Variants in NKAIN3 observed in about 807,000 individuals in gnomAD.
The protein encoded by NKAIN3 is sodium/potassium transporting ATPase interacting 3, also known as sodium/potassium-transporting ATPase subunit beta-1-interacting protein 3.
A neutral mutation model predicts 30.2 loss-of-function variants in NKAIN3; 25 were observed. The observed-to-expected ratio is 0.83, with a 90% CI of 0.60 to 1.16. NKAIN3 has a LOEUF of 1.16. Among genes scored for constraint, NKAIN3 ranks in the 50% most tolerant of loss-of-function variants. NKAIN3 has a pLI of 0.00. For missense variants in NKAIN3, 225 were observed against 254.1 expected, an observed-to-expected ratio of 0.89 and a Z score of 0.78; for synonymous variants, 91 against 89.6, an observed-to-expected ratio of 1.02 and a Z score of -0.09.
intron 1 of NKAIN3, among the ~76,000 whole-genome samples, chr8:62,382,539 A>G (rs1388574653): frequency 6.6e-6 from 1 of 152,172 alleles, no homozygotes; most frequent in Non-Finnish European, 1.5e-5. Flanking sequence ...TATTATACCA[A>G]CATTTCTTCC....
At chr8:62,320,196 T>A (rs1814823575) in intron 1 of NKAIN3, among the ~76,000 whole-genome samples, 2 of 152,186 alleles carry the variant, frequency 1.3e-5, no homozygotes, top group Admixed American at 6.5e-5. Context: ...TAGATCTTCC[T>A]CCATCCCTTT....
At chr8:62,891,606 G>T in intron 4 of NKAIN3, among the ~76,000 whole-genome samples, 1 of 152,080 alleles carries the variant, frequency 6.6e-6, no homozygotes, top group East Asian at 1.9e-4. Context: ...CTGCGTGGTG[G>T]AAAAATCGAG....
intron 5 of NKAIN3, among the ~76,000 whole-genome samples, chr8:62,933,202 G>C (rs546203868): frequency 1.3e-5 from 2 of 152,162 alleles, no homozygotes; most frequent in African/African-American, 4.8e-5. Context: ...TTATAAAAGA[G>C]ATCTCAGTGA....
At chr8:62,328,508 T>A (rs2129589862) in intron 1 of NKAIN3, among the ~76,000 whole-genome samples, 2 of 152,192 alleles carry the variant, frequency 1.3e-5, no homozygotes, top group Middle Eastern at 6.8e-3. Flanking sequence ...GATGTTGATA[T>A]TATCTCATAG....
chr8:62,342,132 C>A (rs1815765269), intron 1 of NKAIN3, among the ~76,000 whole-genome samples: 1 of 150,156 alleles, frequency 6.7e-6, no homozygotes, highest in African/African-American at 2.5e-5. Flanking sequence ...AAAAATGTTT[C>A]CAATATTTGT....
chr8:62,727,300 C>T (rs1284968200), intron 3 of NKAIN3, among the ~76,000 whole-genome samples: 5 of 152,056 alleles, frequency 3.3e-5, no homozygotes, highest in East Asian at 1.9e-4. Context: ...AAGGCAAGAA[C>T]GTCCCAGCTC....
At chr8:62,730,868 C>T (rs1332133683) in intron 3 of NKAIN3, among the ~76,000 whole-genome samples, 1 of 152,008 alleles carries the variant, frequency 6.6e-6, no homozygotes, top group Non-Finnish European at 1.5e-5. Flanking sequence ...TTGAGATTTT[C>T]TGCGTTTATT....
At chr8:62,931,520 A>G (rs925623961) in intron 5 of NKAIN3, among the ~76,000 whole-genome samples, 1 of 152,206 alleles carries the variant, frequency 6.6e-6, no homozygotes, top group Non-Finnish European at 1.5e-5. Context: ...AGTTAATTTC[A>G]TGTGTTAGAA....
chr8:62,550,206 T>G (rs1296819846), intron 1 of NKAIN3, among the ~76,000 whole-genome samples: 1 of 152,188 alleles, frequency 6.6e-6, no homozygotes, highest in Non-Finnish European at 1.5e-5. Context: ...GTGTTTACCT[T>G]TTTATTTTCA....
At chr8:62,541,818 T>C (rs886772834) in intron 1 of NKAIN3, among the ~76,000 whole-genome samples, 1 of 152,200 alleles carries the variant, frequency 6.6e-6, no homozygotes. Context: ...AATGACACAT[T>C]TGAAGTTGTT....
At chr8:62,690,268 A>C (rs2130440601) in intron 3 of NKAIN3, among the ~76,000 whole-genome samples, 1 of 152,186 alleles carries the variant, frequency 6.6e-6, no homozygotes, top group East Asian at 1.9e-4. Context: ...GCCATGCACC[A>C]ATTACAGGGC....
intron 3 of NKAIN3, among the ~76,000 whole-genome samples, chr8:62,700,755 G>T (rs1047159354): frequency 6.6e-6 from 1 of 152,176 alleles, no homozygotes; most frequent in Non-Finnish European, 1.5e-5. Context: ...TAACTGTTTT[G>T]TGTTGTCTAG....
At chr8:62,345,260 C>T (rs903415250) in intron 1 of NKAIN3, among the ~76,000 whole-genome samples, 12 of 139,390 alleles carry the variant, frequency 8.6e-5, no homozygotes, top group African/African-American at 3.4e-4. Context: ...TATATATATA[C>T]ACACACACAC....
chr8:62,756,731 C>T (rs1816463272), intron 4 of NKAIN3, among the ~76,000 whole-genome samples: 1 of 152,126 alleles, frequency 6.6e-6, no homozygotes, highest in Non-Finnish European at 1.5e-5. Context: ...CAATTTAAAG[C>T]ATGTGAACAT....
At chr8:62,641,806 T>C (rs1242156635) in intron 3 of NKAIN3, among the ~76,000 whole-genome samples, 3 of 152,312 alleles carry the variant, frequency 2.0e-5, no homozygotes, top group Admixed American at 2.0e-4. Flanking sequence ...TATAGCTTTT[T>C]TTCTGTGCTA....
At chr8:62,262,961 C>G (rs756957879) in intron 1 of NKAIN3, among the ~76,000 whole-genome samples, 2 of 151,998 alleles carry the variant, frequency 1.3e-5, no homozygotes, top group African/African-American at 2.4e-5. Context: ...GTTTTTCTTT[C>G]AACACAACAC....
At chr8:62,528,644 C>T (rs1231417154) in intron 1 of NKAIN3, among the ~76,000 whole-genome samples, 2 of 151,862 alleles carry the variant, frequency 1.3e-5, no homozygotes, top group Non-Finnish European at 2.9e-5. Context: ...AAGCAGTGTT[C>T]AGAGGTGAAA....
chr8:62,779,910 C>T (rs1817304753), intron 4 of NKAIN3, among the ~76,000 whole-genome samples: 1 of 151,784 alleles, frequency 6.6e-6, no homozygotes, highest in South Asian at 2.1e-4. Flanking sequence ...AAAAAAAGAA[C>T]AAACAAAACC....
chr8:62,370,804 T>C (rs1816884263), intron 1 of NKAIN3, among the ~76,000 whole-genome samples: 1 of 152,028 alleles, frequency 6.6e-6, no homozygotes, highest in Admixed American at 6.6e-5. Flanking sequence ...TTTCTATGAC[T>C]GGACTTGGAG....
Sources: gnomAD v4.1 joint callset for allele counts (sites outside exome capture counted in the v4.1 genomes callset) on GRCh38, gnomAD v4.1.1 for gene constraint, MANE v1.5 for transcripts, NCBI Gene and HGNC (gene_info 2026-07-23, HGNC 2026-07-21) for gene names.